SYNRG: variants seen among roughly 807,000 people sequenced by gnomAD.
The protein encoded by SYNRG is synergin gamma.
A neutral mutation model predicts 130.9 loss-of-function variants in SYNRG; 37 were observed. The ratio of observed to expected loss-of-function variants is 0.28; its 90% CI spans 0.22 to 0.37. SYNRG has a LOEUF of 0.37. Among genes scored for constraint, SYNRG ranks in the 10% least tolerant of loss-of-function variants. The probability of loss-of-function intolerance (pLI) is 1.00; values close to 1 mark genes in which losing one functional copy is unlikely to be tolerated. For missense variants in SYNRG, 1,338 were observed against 1,588.9 expected (o/e 0.84, Z 2.68); for synonymous variants, 539 against 568.1 (o/e 0.95, Z 0.73).
intron 14 of SYNRG, among the ~76,000 whole-genome samples, chr17:37,547,844 C>G (rs1013338208): frequency 4.6e-5 from 7 of 152,204 alleles, no homozygotes; most frequent in African/African-American, 9.6e-5. Flanking sequence ...CATAGGTATA[C>G]TTTCTCAGGC....
chr17:37,595,341 A>C (rs2062664603), intron 3 of SYNRG, among the ~76,000 whole-genome samples: 1 of 152,252 alleles, frequency 6.6e-6, no homozygotes, highest in African/African-American at 2.4e-5. Context: ...CTGTATAACA[A>C]AACACACAGA....
intron 16 of SYNRG, 55 bp from the exon 17 acceptor site, chr17:37,539,300 T>A: frequency 6.4e-7 from 1 of 1,569,078 alleles, no homozygotes; most frequent in Non-Finnish European, 8.7e-7. Flanking sequence ...AATCTTCTAT[T>A]GATGACTCTG....
chr17:37,576,544 A>C, intron 7 of SYNRG, 126 bp from the exon 8 acceptor site: 1 of 766,282 alleles, frequency 1.3e-6, no homozygotes, highest in Non-Finnish European at 2.0e-6. Context: ...ATACAATTAA[A>C]ATACTTGGTC....
At chr17:37,598,619 C>T (rs1300647563) in intron 2 of SYNRG, among the ~76,000 whole-genome samples, 1 of 152,174 alleles carries the variant, frequency 6.6e-6, no homozygotes, top group Non-Finnish European at 1.5e-5. Flanking sequence ...GTGGCCATGA[C>T]CTTGCTGTCG....
At chr17:37,543,322 T>TA (rs149531902) in intron 14 of SYNRG, among the ~76,000 whole-genome samples, 2,250 of 150,986 alleles carry the variant, frequency 0.015, 59 homozygotes, top group African/African-American at 0.049. Flanking sequence ...CCCCATTTTT[T>TA]AAAAAAAAAG....
intron 19 of SYNRG, among the ~76,000 whole-genome samples, chr17:37,521,751 C>T (rs1598030132): frequency 6.6e-6 from 1 of 152,030 alleles, no homozygotes; most frequent in Admixed American, 6.6e-5. Flanking sequence ...AAGGCAGCGG[C>T]GGTGGGGAAT....
chr17:37,579,289 G>C, intron 6 of SYNRG: 9 of 1,303,850 alleles, frequency 6.9e-6, no homozygotes, highest in Non-Finnish European at 9.1e-6. Flanking sequence ...TGGAGGGGTG[G>C]AAAGACTGAA....
At position 37,607,971 on chromosome 17, in the gene SYNRG, A is replaced by AC. The variant is rs1420309646; in HGVS notation, c.77+1307_77+1308insG. 8.5e-4 allele frequency among the ~76,000 whole-genome samples: 89 copies of AC among 104,286 alleles called. 1 individual carries two copies. Among genetic ancestry groups the AC allele is most frequent in the East Asian group, 4.1e-3 (5 of 1,206 alleles). The allele number at this position is 104,286 out of a possible 152,430, so 68.4% of individuals were successfully genotyped here. A position where few individuals can be genotyped will look rare whatever the true frequency, so the allele number is the denominator to read the frequency against. ...ACTTCCTCTCAAAAAAAAAAAAAAA[A>AC]AAAAAAAAACAAGACAAAAGAAAAA... On this transcript the variant is annotated intron_variant, in intron 1 of 21. Transcript: ENST00000612223.
intron 14 of SYNRG, among the ~76,000 whole-genome samples, chr17:37,546,772 TA>T (rs1312920808): frequency 6.6e-6 from 1 of 152,220 alleles, no homozygotes; most frequent in Non-Finnish European, 1.5e-5. Flanking sequence ...CAAATTCCAC[TA>T]TTCTCATTTT....
At chr17:37,606,840 A>G (rs1310389117) in intron 1 of SYNRG, among the ~76,000 whole-genome samples, 2 of 152,170 alleles carry the variant, frequency 1.3e-5, no homozygotes, top group Non-Finnish European at 2.9e-5. Context: ...ACAGTCAGTT[A>G]TAGTTCATGG....
At position 37,586,535 on chromosome 17, in the gene SYNRG, C is replaced by T. The variant is rs1411523159; in HGVS notation, c.255G>A (p.Met85Ile). Residue 85 changes from methionine to isoleucine, a missense_variant, in exon 4 of 22, where the codon ATG becomes ATA. Met to Ile is a conservative substitution (Grantham distance 10). This residue lies in a region of SYNRG where 184 missense variants were observed against 217.2 expected (regional missense o/e 0.85). Coordinates refer to ENST00000612223, the MANE Select transcript of SYNRG (RefSeq NM_007247.6). ...GCATTCCCGCTGCTGGCATTGGTCCCATTGGTATTCCTGCCTAGAAGAAAC... is the reference window on the plus strand; with the variant it reads ...GCATTCCCGCTGCTGGCATTGGTCCTATTGGTATTCCTGCCTAGAAGAAAC... ...GPIAMQAGIP[M>I]GPMPAAGMPY... The T allele has an allele frequency of 1.2e-6, 2 of 1,613,940 alleles. No individual in the cohort carries two copies. Among genetic ancestry groups the T allele is most frequent in the East Asian group, 2.2e-5 (1 of 44,896 alleles).
intron 6 of SYNRG, among the ~76,000 whole-genome samples, chr17:37,580,671 G>A (rs1017669300): frequency 6.6e-6 from 1 of 152,018 alleles, no homozygotes; most frequent in African/African-American, 2.4e-5. Flanking sequence ...AGTAGCTGGG[G>A]CTACAGGTGC....
At position 37,542,309 on chromosome 17, in the gene SYNRG, A is replaced by G. The variant is rs1224108267; in HGVS notation, c.2865T>C (p.Ala955=). The part of the protein sequence containing the change: ...SKVTTFVSED[A]LPETTFPALA... The stretch of plus-strand genomic sequence containing the variant: ...GAGCTGGGAAGGTGGTCTCTGGAAG[A>G]GCATCTTCACTTACAAAGGTCGTTA... The change falls in exon 15 of 22, where the codon GCT becomes GCC. Residue 955 remains alanine, a synonymous_variant. Coordinates refer to ENST00000612223, the MANE Select transcript of SYNRG (RefSeq NM_007247.6). 7 of 1,614,106 alleles carry G rather than the reference A, an allele frequency of 4.3e-6. No individual in the cohort carries two copies. In the South Asian group the frequency reaches 6.6e-5, roughly 15 times the overall value.
Position 37,580,506 on chromosome 17 carries a change from TGTGTGAGA to T in SYNRG, c.590-2901_590-2894del, listed in dbSNP as rs1391250452. Among the ~76,000 whole-genome samples, 353 of 114,220 alleles carry T rather than the reference TGTGTGAGA, an allele frequency of 3.1e-3. 4 individuals are homozygous for T. The highest frequency in any genetic ancestry group is 0.012 in the African/African-American group (335 of 27,458). The allele number at this position is 114,220 out of a possible 152,430, so 74.9% of individuals were successfully genotyped here. ...GTGTGTGTGTGTGTGTGTGTGTGTG[TGTGTGAGA>T]GAGAGAGAGAGAGAGAGAGAGACGG... On this transcript the variant is annotated intron_variant, in intron 6 of 21. Transcript: ENST00000612223.
At position 37,517,466 on chromosome 17, in the gene SYNRG, CTT is replaced by C. The variant is rs1165650242; in HGVS notation, c.*1472_*1473del. ...ATCATCGGGAGCGAGTGAGAAAAGC[CTT>C]TCTCTCCTCGGTGCCTCTCTGTGCA... On this transcript the variant is annotated 3_prime_UTR_variant, in exon 22 of 22. Transcript: ENST00000612223. The C allele has an allele frequency of 6.6e-6, 1 of 151,848 alleles. No homozygotes were observed. The highest frequency in any genetic ancestry group is 2.4e-5 in the African/African-American group (1 of 41,322). The allele number at this position is 151,848 out of a possible 1,614,324, so 9.4% of individuals were successfully genotyped here.
rs151031029 is a variant in SYNRG at position 37,553,694 on chromosome 17, C to T, written c.2029G>A (p.Gly677Arg). ...ACAGGTGCTAGACCAGAATATTCCC[C>T]AAAAAGGCTGAATTCTCCAAAATCA... ...ADDFGEFSLF[G>R]EYSGLAPVGE... The change falls in exon 14 of 22, where the codon GGG becomes AGG. Residue 677 changes from glycine (G) to arginine (R), a missense_variant. Transcript: ENST00000612223. The T allele has an allele frequency of 1.2e-5, 19 of 1,613,330 alleles. No homozygotes were observed. The East Asian group carries it at 4.2e-4, about 36-fold the overall frequency.
chr17:37,535,517 G>C (rs1333551425), intron 19 of SYNRG, among the ~76,000 whole-genome samples: 2 of 152,104 alleles, frequency 1.3e-5, no homozygotes, highest in Admixed American at 6.6e-5. Context: ...AAGGAACAGT[G>C]ATTTGTCTAT....
chr17:37,561,197 A>G lies in SYNRG; in HGVS notation c.1661T>C (p.Leu554Ser). Residue 554 changes from leucine (L) to serine (S), a missense_variant and splice_region_variant, in exon 13 of 22, where the codon TTA becomes TCA. This residue lies in a region of SYNRG where 1,146 missense variants were observed against 1,342.3 expected (regional missense o/e 0.85). Coordinates refer to ENST00000612223, the MANE Select transcript of SYNRG (RefSeq NM_007247.6). ...ELEQTAENKP[L>S]GESFAEFRSA... is the part of the protein sequence containing the mutation. ...CTTTTGAGGACTCAAAAACTTACCT[A>G]AAGGTTTATTCTCTGCTGTCTGTTC... 1 of 1,612,064 alleles carries G rather than the reference A, an allele frequency of 6.2e-7. No homozygotes were observed. Among genetic ancestry groups the G allele is most frequent in the Non-Finnish European group, 8.5e-7 (1 of 1,179,364 alleles).
chr17:37,525,650 T>C (rs1256534925), intron 19 of SYNRG, among the ~76,000 whole-genome samples: 1 of 151,878 alleles, frequency 6.6e-6, no homozygotes, highest in Non-Finnish European at 1.5e-5. Flanking sequence ...CTGGCCAACA[T>C]GGCAAAGCCC....
Sources: allele counts gnomAD v4.1 joint callset (sites outside exome capture counted in the v4.1 genomes callset), GRCh38; gene constraint gnomAD v4.1.1; regional missense constraint gnomAD v4.1.1; transcripts MANE v1.5; gene names NCBI Gene and HGNC (gene_info 2026-07-23, HGNC 2026-07-21).